Variants in VRK1 observed in about 807,000 individuals in gnomAD.
VRK1 encodes serine/threonine-protein kinase VRK1.
VRK1 carries 33 observed loss-of-function variants against 57.1 expected under a neutral mutation model. That is an observed-to-expected ratio of 0.58 (90% CI 0.44 to 0.77). The LOEUF is 0.77. Ranked by LOEUF, VRK1 falls within the 30% of genes least tolerant of loss-of-function variation. The pLI is 0.00. For missense variants in VRK1, 413 were observed against 477.3 expected (o/e 0.87, Z 1.25); for synonymous variants, 137 against 147.8 (o/e 0.93, Z 0.53).
chr14:96,808,018 T>TCC (rs1566683615), intron 1 of VRK1, among the ~76,000 whole-genome samples: 1 of 6,308 alleles, frequency 1.6e-4, no homozygotes, highest in African/African-American at 1.8e-4. Flanking sequence ...TCTCTCCCTC[T>TCC]GTGTGTGTGT....
intron 12 of VRK1, chr14:96,877,642 A>G: frequency 7.8e-7 from 1 of 1,285,576 alleles, no homozygotes; most frequent in Non-Finnish European, 1.0e-6. Flanking sequence ...AATCCCTTAA[A>G]TTTTAAAACT....
At chr14:96,874,198 G>A (rs974014329) in intron 11 of VRK1, among the ~76,000 whole-genome samples, 1 of 152,112 alleles carries the variant, frequency 6.6e-6, no homozygotes, top group Non-Finnish European at 1.5e-5. Context: ...CTTAATTTTG[G>A]TCTGAACAAA....
chr14:96,847,399 A>G, intron 5 of VRK1, 55 bp downstream of exon 5: 1 of 1,434,108 alleles, frequency 7.0e-7, no homozygotes, highest in African/African-American at 1.4e-5. Context: ...TTCACTATTT[A>G]GTTGGTTTAG....
At position 96,852,851 on chromosome 14, in the gene VRK1, A is replaced by G. The variant is rs1251801732; in HGVS notation, c.395A>G (p.Asp132Gly). 1 of 1,613,848 alleles carries G rather than the reference A, an allele frequency of 6.2e-7. No individual in the cohort carries two copies. Among genetic ancestry groups the G allele is most frequent in the Non-Finnish European group, 8.5e-7 (1 of 1,179,830 alleles). Residue 132 changes from aspartate to glycine, a missense_variant, in exon 6 of 13, where the codon GAT (aspartate) becomes GGT (glycine). Physicochemically the swap from Asp to Gly is moderately conservative, Grantham distance 94. Transcript: ENST00000216639. ...NGKSYRFMIM[D>G]RFGSDLQKIY... The stretch of plus-strand genomic sequence containing the variant: ...TTCAGTTACAGGTTTATGATAATGG[A>G]TCGCTTTGGGAGTGACCTTCAGAAA...
At chr14:96,828,262 C>T (rs1886876286) in intron 1 of VRK1, among the ~76,000 whole-genome samples, 2 of 152,106 alleles carry the variant, frequency 1.3e-5, no homozygotes, top group Admixed American at 1.3e-4. Flanking sequence ...AGTTGAATTG[C>T]TGGGTCGGTT....
chr14:96,841,454 T>G (rs1223470319), intron 3 of VRK1, among the ~76,000 whole-genome samples: 1 of 152,226 alleles, frequency 6.6e-6, no homozygotes, highest in East Asian at 1.9e-4. Context: ...CCTTTATTAC[T>G]TCTTCTCTTT....
chr14:96,833,525 T>A lies in VRK1; in HGVS notation c.54T>A (p.His18Gln), dbSNP rs1379251732. 6.2e-7 allele frequency: 1 copy of A among 1,613,694 alleles called. No individual in the cohort carries two copies. Among genetic ancestry groups the A allele is most frequent in the Non-Finnish European group, 8.5e-7 (1 of 1,179,800 alleles). ...QAGRQSSAKR[H>Q]LAEQFAVGEI... ...GAAGACAGAGCTCTGCAAAGAGACA[T>A]CTTGCAGAACAATTTGCAGTTGGAG... The change falls in exon 2 of 13, where the codon CAT becomes CAA. Residue 18 changes from histidine (H) to glutamine (Q), a missense_variant. Coordinates refer to ENST00000216639, the MANE Select transcript of VRK1 (RefSeq NM_003384.3).
chr14:96,819,817 A>G (rs1478100536), intron 1 of VRK1, among the ~76,000 whole-genome samples: 1 of 152,194 alleles, frequency 6.6e-6, no homozygotes, highest in African/African-American at 2.4e-5. Context: ...CGGATGAGAC[A>G]AAACTTTGTA....
At chr14:96,832,158 G>C (rs114407703) in intron 1 of VRK1, among the ~76,000 whole-genome samples, 1,590 of 152,240 alleles carry the variant, frequency 0.01, 22 homozygotes, top group African/African-American at 0.031. Context: ...AACATTTTCA[G>C]ATAAGGAGTT....
At chr14:96,830,182 G>A (rs1172882281) in intron 1 of VRK1, among the ~76,000 whole-genome samples, 2 of 151,920 alleles carry the variant, frequency 1.3e-5, no homozygotes, top group Admixed American at 1.3e-4. Flanking sequence ...TCTTGGTGAT[G>A]GTCATTCTGG....
In VRK1 at chr14:96,875,997, A is replaced by ATC. The variant is rs760319122; in HGVS notation, c.1069-19_1069-18dup. On this transcript the variant is annotated intron_variant, in intron 11 of 12. Transcript: ENST00000216639. ...TTTGTAGTTTACTTGACTGTCAGAT[A>ATC]TCTCTCTCTCTCTCTTTAATTTTAT... 39 of 1,585,518 alleles carry ATC rather than the reference A, an allele frequency of 2.5e-5. No individual in the cohort carries two copies. Among genetic ancestry groups the ATC allele is most frequent in the East Asian group, 9.0e-5 (4 of 44,454 alleles).
intron 1 of VRK1, among the ~76,000 whole-genome samples, chr14:96,801,959 A>G (rs1885679140): frequency 1.3e-5 from 2 of 152,142 alleles, no homozygotes; most frequent in Non-Finnish European, 2.9e-5. Context: ...GTTCACACTC[A>G]TGTTGTTCAA....
At chr14:96,845,158 A>C (rs1887630278) in intron 3 of VRK1, among the ~76,000 whole-genome samples, 1 of 152,092 alleles carries the variant, frequency 6.6e-6, no homozygotes. Context: ...GCAACCCTAA[A>C]ATTAGTTTAG....
chr14:96,845,733 AATATC>A (rs1887657577), intron 3 of VRK1, among the ~76,000 whole-genome samples: 1 of 152,168 alleles, frequency 6.6e-6, no homozygotes, highest in Admixed American at 6.6e-5. Context: ...AAATCTGAGA[AATATC>A]TTATAGCCCC....
intron 12 of VRK1, 39 bp downstream of exon 12, chr14:96,876,159 AAC>A (rs1282827454): frequency 3.7e-6 from 6 of 1,602,092 alleles, no homozygotes; most frequent in Non-Finnish European, 5.1e-6. Flanking sequence ...TTCATAGGTA[AAC>A]ACAAATTTCA....
intron 1 of VRK1, among the ~76,000 whole-genome samples, chr14:96,807,980 T>TCTCTCC (rs1885953435): frequency 1.8e-5 from 1 of 55,392 alleles, no homozygotes; most frequent in African/African-American, 6.5e-5. Flanking sequence ...TCTCTCTGTC[T>TCTCTCC]CTCTCCCTCT....
chr14:96,807,999 C>G (rs1184788456), intron 1 of VRK1, among the ~76,000 whole-genome samples: 2 of 61,340 alleles, frequency 3.3e-5, no homozygotes, highest in African/African-American at 1.1e-4. Context: ...CTCTCCCTCT[C>G]TCCCTCTCTC....
intron 5 of VRK1, among the ~76,000 whole-genome samples, chr14:96,849,583 T>A (rs1566706046): frequency 6.6e-6 from 1 of 152,154 alleles, no homozygotes; most frequent in Non-Finnish European, 1.5e-5. Context: ...TGTTTCCCTA[T>A]GTGTGAGATG....
At chr14:96,833,400 T>G (rs946386184) in intron 1 of VRK1, 67 bp from the exon 2 acceptor site, 25 of 1,592,436 alleles carry the variant, frequency 1.6e-5, no homozygotes, top group African/African-American at 1.1e-4. Flanking sequence ...GAAGTTTTCC[T>G]TAGGGAAAAA....
Sources: allele counts gnomAD v4.1 joint callset (sites outside exome capture counted in the v4.1 genomes callset), GRCh38; gene constraint gnomAD v4.1.1; transcripts MANE v1.5; gene names NCBI Gene and HGNC (gene_info 2026-07-23, HGNC 2026-07-21).